The following FARP1 variants were observed in gnomAD, a reference collection of about 807,000 sequenced individuals.
FARP1 encodes the protein FERM, ARHGEF and pleckstrin domain-containing protein 1.
In FARP1, 52 loss-of-function variants were observed where a neutral mutation model predicts 128.8. The observed-to-expected ratio is 0.40, with a 90% CI of 0.32 to 0.51. The LOEUF (loss-of-function observed/expected upper bound fraction) is 0.51. Ranked by LOEUF, FARP1 falls within the 20% of genes least tolerant of loss-of-function variation. FARP1 has a pLI of 0.45. For missense variants in FARP1, 1,333 were observed against 1,367.9 expected, an observed-to-expected ratio of 0.97 and a Z score of 0.40; for synonymous variants, 580 against 551.8, an observed-to-expected ratio of 1.05 and a Z score of -0.72.
At chr13:98,330,626 G>T (rs1209152543) in intron 2 of FARP1, among the ~76,000 whole-genome samples, 6 of 151,986 alleles carry the variant, frequency 3.9e-5, no homozygotes, top group Non-Finnish European at 8.8e-5. Context: ...GTGGTGGCAG[G>T]CGCCTGTAAT....
intron 1 of FARP1, among the ~76,000 whole-genome samples, chr13:98,153,557 TTTATATATA>T (rs1212918258): frequency 2.6e-4 from 17 of 65,806 alleles, no homozygotes; most frequent in African/African-American, 1.2e-3. Flanking sequence ...TAAATATATA[TTTATATATA>T]TTATATATAT....
chr13:98,212,136 A>C (rs1272454754), intron 1 of FARP1, among the ~76,000 whole-genome samples: 2 of 152,042 alleles, frequency 1.3e-5, no homozygotes, highest in Non-Finnish European at 2.9e-5. Context: ...GCTCACTGCA[A>C]CCTCCACCTC....
intron 18 of FARP1, 194 bp from the exon 19 acceptor site, chr13:98,435,382 G>A (rs1379472475): frequency 1.8e-6 from 1 of 556,738 alleles, no homozygotes; most frequent in African/African-American, 1.9e-5. Context: ...AGATGCTAAA[G>A]TGAAGCAAAT....
chr13:98,250,122 T>G (rs1170749331), intron 2 of FARP1, among the ~76,000 whole-genome samples: 2 of 152,232 alleles, frequency 1.3e-5, no homozygotes, highest in Non-Finnish European at 2.9e-5. Flanking sequence ...CACCAAACAT[T>G]GGGGTGGCCC....
intron 4 of FARP1, 28 bp from the exon 5 acceptor site, chr13:98,368,089 C>G (rs756552656): frequency 3.0e-5 from 47 of 1,565,096 alleles, no homozygotes; most frequent in Non-Finnish European, 4.1e-5. Flanking sequence ...TCAGTAAATG[C>G]TTTACTTCTT....
chr13:98,222,296 A>T lies in FARP1; in HGVS notation c.171+8883A>T, dbSNP rs367949459. Reference sequence around the variant, plus strand: ...AAGGCAAGGTGCTACTGGTGATAAGAAAATGAATAAAAACAATAACTACCC... The same window carrying T: ...AAGGCAAGGTGCTACTGGTGATAAGTAAATGAATAAAAACAATAACTACCC... On this transcript the variant is annotated intron_variant, in intron 2 of 26. Coordinates refer to ENST00000319562, the MANE Select transcript of FARP1 (RefSeq NM_005766.4). 1.5e-4 allele frequency among the ~76,000 whole-genome samples: 23 copies of T among 152,364 alleles called. No homozygotes were observed. The East Asian group carries it at 3.9e-3, about 26-fold the overall frequency.
At chr13:98,238,740 A>C (rs1411174375) in intron 2 of FARP1, among the ~76,000 whole-genome samples, 1 of 152,218 alleles carries the variant, frequency 6.6e-6, no homozygotes, top group Admixed American at 6.5e-5. Flanking sequence ...TGTGGGAAGT[A>C]TGGGAACTAC....
Position 98,450,876 on chromosome 13 carries a change from C to T in FARP1, c.*2559C>T, listed in dbSNP as rs1046692177. On this transcript the variant is annotated 3_prime_UTR_variant, in exon 27 of 27. Transcript: ENST00000319562. ...CATTGGGGCTGATTTTGTGCGTCTA[C>T]AGAAAGTAACAGCCCAGGAGAGAAT... The T allele has an allele frequency of 6.6e-6, 1 of 152,218 alleles. No individual in the cohort carries two copies. The highest frequency in any genetic ancestry group is 1.9e-4 in the East Asian group (1 of 5,192). The allele number at this position is 152,218 out of a possible 1,614,324, so 9.4% of individuals were successfully genotyped here. A position where few individuals can be genotyped will look rare whatever the true frequency, so the allele number is the denominator to read the frequency against.
rs772353585 is a variant in FARP1, at chr13:98,431,300, G to A, written c.2143+20G>A. On this transcript the variant is annotated intron_variant, in intron 18 of 26. Coordinates refer to ENST00000319562, the MANE Select transcript of FARP1 (RefSeq NM_005766.4). ...GCCGAGGTGAGTGCTGGGAGCCTGC[G>A]CCACCTGGTGCCCATGCCACAGTTC... The A allele has an allele frequency of 6.6e-6, 10 of 1,517,490 alleles. No individual in the cohort carries two copies. Among genetic ancestry groups the A allele is most frequent in the Admixed American group, 3.8e-5 (2 of 53,012 alleles). The allele number at this position is 1,517,490 out of a possible 1,614,324, so 94.0% of individuals were successfully genotyped here.
intron 16 of FARP1, among the ~76,000 whole-genome samples, chr13:98,424,233 T>C (rs1157807034): frequency 6.6e-6 from 1 of 152,238 alleles, no homozygotes; most frequent in African/African-American, 2.4e-5. Context: ...TGTGCTGACC[T>C]AATGATGCTA....
chr13:98,264,466 G>C lies in FARP1; in HGVS notation c.171+51053G>C, dbSNP rs545778084. Among the ~76,000 whole-genome samples, 261 of 152,286 alleles carry C rather than the reference G, an allele frequency of 1.7e-3. 2 individuals are homozygous for C. Among genetic ancestry groups the C allele is most frequent in the African/African-American group, 5.8e-3 (243 of 41,550 alleles). On this transcript the variant is annotated intron_variant, in intron 2 of 26. Transcript: ENST00000319562. ...CTCCCCGTCCGCCAGTCACTCAGGA[G>C]CTGCCTTGGTGCTCAGACCGACTGT...
intron 2 of FARP1, among the ~76,000 whole-genome samples, chr13:98,315,675 T>C (rs1043499745): frequency 5.9e-5 from 9 of 152,138 alleles, no homozygotes; most frequent in African/African-American, 1.9e-4. Flanking sequence ...ATCTGCTCGC[T>C]CTTCCTTCCT....
At chr13:98,262,136 C>T (rs1273834135) in intron 2 of FARP1, among the ~76,000 whole-genome samples, 2 of 151,768 alleles carry the variant, frequency 1.3e-5, no homozygotes, top group African/African-American at 4.8e-5. Flanking sequence ...CAGCTTCAAC[C>T]TCCCAAGTAG....
rs959684706 is a variant in FARP1, at chr13:98,143,193, G to C, written c.-323G>C. On this transcript the variant is annotated 5_prime_UTR_variant, in exon 1 of 27. Coordinates refer to ENST00000319562, the MANE Select transcript of FARP1 (RefSeq NM_005766.4). ...CGGGGCGGGGACGCGGCCGCTGCCC[G>C]CTTTGCGCCGCTCCTCCCTGCGCGA... 4.1e-5 allele frequency: 6 copies of C among 148,022 alleles called. No individual in the cohort carries two copies. The highest frequency in any genetic ancestry group is 6.7e-5 in the Admixed American group (1 of 14,908). 9.2% of individuals were successfully genotyped at this position (148,022 alleles called of 1,614,324 possible).
intron 3 of FARP1, among the ~76,000 whole-genome samples, chr13:98,361,145 T>C (rs1888856579): frequency 6.6e-6 from 1 of 152,190 alleles, no homozygotes; most frequent in Non-Finnish European, 1.5e-5. Flanking sequence ...CCATTTCTAA[T>C]GGTTTAAGTC....
intron 1 of FARP1, among the ~76,000 whole-genome samples, chr13:98,211,865 C>T (rs929669610): frequency 3.9e-5 from 6 of 152,154 alleles, no homozygotes; most frequent in African/African-American, 1.2e-4. Flanking sequence ...CAGTATTGAC[C>T]TCCACTCCGT....
At chr13:98,351,623 A>AAG (rs1888431087) in intron 3 of FARP1, among the ~76,000 whole-genome samples, 1 of 151,864 alleles carries the variant, frequency 6.6e-6, no homozygotes, top group Non-Finnish European at 1.5e-5. Flanking sequence ...AAAAAAAAAA[A>AAG]AAAGAAAGAA....
intron 2 of FARP1, among the ~76,000 whole-genome samples, chr13:98,331,994 C>G (rs1404985771): frequency 1.3e-5 from 2 of 152,144 alleles, no homozygotes; most frequent in Admixed American, 6.5e-5. Flanking sequence ...CCTCCCCACA[C>G]CCACCCAGTT....
chr13:98,393,028 TGAATTTCA>T (rs1429604928), intron 11 of FARP1, among the ~76,000 whole-genome samples: 1 of 152,176 alleles, frequency 6.6e-6, no homozygotes, highest in Non-Finnish European at 1.5e-5. Flanking sequence ...CACAGTCTCA[TGAATTTCA>T]GGACCTGAGC....
Sources: gnomAD v4.1 joint callset for allele counts (sites outside exome capture counted in the v4.1 genomes callset) on GRCh38, gnomAD v4.1.1 for gene constraint, MANE v1.5 for transcripts, NCBI Gene and HGNC (gene_info 2026-07-23, HGNC 2026-07-21) for gene names.